Variants in DGKQ observed in about 807,000 individuals in gnomAD.
DGKQ encodes the protein DAG kinase theta.
Under a neutral mutation model 104.2 loss-of-function variants are expected in DGKQ, and 97 were observed. The observed-to-expected ratio is 0.93, with a 90% confidence interval of 0.79 to 1.10. DGKQ has a LOEUF of 1.10. Ranked by LOEUF, DGKQ falls within the 50% of genes least tolerant of loss-of-function variation. DGKQ has a pLI of 0.00. For missense variants in DGKQ, 1,465 were observed against 1,352.1 expected (o/e 1.08, Z -1.31); for synonymous variants, 736 against 595.2 (o/e 1.24, Z -3.44).
Position 968,907 on chromosome 4 carries a change from G to A in DGKQ, c.355C>T (p.Pro119Ser). ...CGGGGGCCGAAGCAGTGGGCTACAG[G>A]AACCTGGTGGGGCAGCCTCACCTCA... is the stretch of plus-strand genomic sequence containing the variant. ...TSVAPSLVRV[P>S]VAHCFGPRGL... The change falls in exon 3 of 23, where the codon CCT becomes TCT. Residue 119 changes from proline to serine, a missense_variant. Coordinates refer to ENST00000273814, the MANE Select transcript of DGKQ (RefSeq NM_001347.4). The A allele has an allele frequency of 1.3e-6, 2 of 1,585,224 alleles. No homozygotes were observed. Among genetic ancestry groups the A allele is most frequent in the Non-Finnish European group, 1.7e-6 (2 of 1,162,400 alleles).
At chr4:960,939 C>A (rs1385349728) in intron 22 of DGKQ, 110 bp downstream of exon 22, 2 of 1,532,462 alleles carry the variant, frequency 1.3e-6, no homozygotes, top group Admixed American at 2.0e-5. Context: ...GGAGTCAGTG[C>A]TCCCTGGCCG....
chr4:960,473 C>T lies in DGKQ; in HGVS notation c.*147G>A, dbSNP rs1195097395. ...GGGATGAGGGCGGGTCCCGCTCCGT[C>T]ACTGGGAAGATGCTGTGGTCAGGGC... On this transcript the variant is annotated 3_prime_UTR_variant, in exon 23 of 23. Transcript: ENST00000273814. The T allele has an allele frequency of 2.9e-6, 2 of 693,028 alleles. No homozygotes were observed. The highest frequency in any genetic ancestry group is 5.0e-6 in the Non-Finnish European group (2 of 400,832). 42.9% of individuals were successfully genotyped at this position (693,028 alleles called of 1,614,324 possible).
rs920458986 is a variant in DGKQ at position 964,985 on chromosome 4, C to T, written c.1734+191G>A. On this transcript the variant is annotated intron_variant, in intron 15 of 22. Coordinates refer to ENST00000273814, the MANE Select transcript of DGKQ (RefSeq NM_001347.4). The stretch of plus-strand genomic sequence containing the variant: ...TGACCTCAGGCCCCTTGCTGTAAAA[C>T]GGGCAACAGAGTCCTTCCTGCTGTT... 4.6e-5 allele frequency among the ~76,000 whole-genome samples: 7 copies of T among 152,162 alleles called. No individual in the cohort carries two copies. In the East Asian group the frequency reaches 5.8e-4, roughly 13 times the overall value.
rs749172999 is a variant in DGKQ, at chr4:966,068, C to T, written c.1439G>A (p.Arg480Gln). 22 of 1,600,814 alleles carry T rather than the reference C, an allele frequency of 1.4e-5. No homozygotes were observed. The highest frequency in any genetic ancestry group is 1.7e-5 in the Non-Finnish European group (20 of 1,174,422). Reference protein sequence around the residue: ...RLQDIRQMSVRQVSQTRFYVA... With the variant: ...RLQDIRQMSVQQVSQTRFYVA... ...GTAGAACCGCGTCTGGCTCACCTGC[C>T]GCACAGACATCTGCAGGGAGAGGGG... Residue 480 changes from arginine to glutamine, a missense_variant, in exon 13 of 23, where the codon CGG becomes CAG. Transcript: ENST00000273814.
Position 967,058 on chromosome 4 carries a change from T to C in DGKQ, c.1221-4A>G, listed in dbSNP as rs752988293. 6.4e-7 allele frequency: 1 copy of C among 1,552,654 alleles called. No homozygotes were observed. On this transcript the variant is annotated splice_region_variant and splice_polypyrimidine_tract_variant and intron_variant, in intron 9 of 22. Coordinates refer to ENST00000273814, the MANE Select transcript of DGKQ (RefSeq NM_001347.4). ...GGACACGTAGGCCACGCCCACCCTG[T>C]GGGGACACAGTCTGAGCTGGAGCTC...
intron 18 of DGKQ, 114 bp from the exon 19 acceptor site, chr4:962,196 G>T: frequency 9.8e-7 from 1 of 1,019,992 alleles, no homozygotes; most frequent in Non-Finnish European, 1.5e-6. Context: ...CTGGCACCAA[G>T]CCGAGCACCC....
chr4:968,245 T>G (rs1262986663), intron 5 of DGKQ, 37 bp downstream of exon 5: 17 of 354,158 alleles, frequency 4.8e-5, no homozygotes, highest in East Asian at 1.5e-4. Context: ...GCACCTCTCC[T>G]GCCCCACCCC....
chr4:961,897 G>C, intron 19 of DGKQ, 63 bp from the exon 20 acceptor site: 6 of 1,603,324 alleles, frequency 3.7e-6, no homozygotes, highest in Non-Finnish European at 5.1e-6. Flanking sequence ...GGCAGCCTCC[G>C]GGTTCCGGCC....
At chr4:968,642 T>A (rs1577486191) in intron 3 of DGKQ, 78 bp from the exon 4 acceptor site, 2 of 1,439,430 alleles carry the variant, frequency 1.4e-6, no homozygotes, top group African/African-American at 2.8e-5. Context: ...GTCTGCCCCA[T>A]CCCCACCACC....
At chr4:972,196 G>A (rs1005000368) in intron 1 of DGKQ, among the ~76,000 whole-genome samples, 6 of 152,066 alleles carry the variant, frequency 3.9e-5, no homozygotes, top group African/African-American at 1.2e-4. Context: ...GAGGGGACCC[G>A]GAGTCTGGCC....
intron 2 of DGKQ, among the ~76,000 whole-genome samples, chr4:969,670 C>A (rs956716006): frequency 6.8e-6 from 1 of 147,776 alleles, no homozygotes; most frequent in South Asian, 2.1e-4. Flanking sequence ...AGTGCAGTGG[C>A]GTGATCTCGG....
At position 973,215 on chromosome 4, in the gene DGKQ, C is replaced by T. The variant is rs1220191002; in HGVS notation, c.268G>A (p.Asp90Asn). Reference sequence around the variant, plus strand: ...GGCATCGGGCCCGGGCGCTCACCGTCGCACAGGAAGCCGGCCAGCCCCCAG... The same window carrying T: ...GGCATCGGGCCCGGGCGCTCACCGTTGCACAGGAAGCCGGCCAGCCCCCAG... Reference protein sequence around the residue: ...FIWGLAGFLCDVCNFMSHEKC... With the variant: ...FIWGLAGFLCNVCNFMSHEKC... The change falls in exon 1 of 23, where the codon GAC becomes AAC. Residue 90 changes from aspartate (D) to asparagine (N), a missense_variant. Coordinates refer to ENST00000273814, the MANE Select transcript of DGKQ (RefSeq NM_001347.4). The T allele has an allele frequency of 1.3e-6, 2 of 1,554,964 alleles. No homozygotes were observed. Among genetic ancestry groups the T allele is most frequent in the South Asian group, 1.2e-5 (1 of 85,112 alleles).
At chr4:966,251 CCT>C in intron 12 of DGKQ, 173 bp from the exon 13 acceptor site, 4 of 848,928 alleles carry the variant, frequency 4.7e-6, no homozygotes, top group South Asian at 1.7e-5. Context: ...GTGGACAACC[CCT>C]GTCCGTTCCC....
chr4:968,720 C>A, intron 3 of DGKQ, 91 bp downstream of exon 3: 1 of 1,385,604 alleles, frequency 7.2e-7, no homozygotes, highest in South Asian at 1.3e-5. Context: ...CCCCCATCAC[C>A]CCTGACAAGC....
rs1390804710 is a variant in DGKQ at position 968,584 on chromosome 4, A to T, written c.452-20T>A. Reference sequence around the variant, plus strand: ...CACACACTGGGGGGCAGGCAGGGTTAGAGGTGTCTGCCGCCCCCGGAGGAC... The same window carrying T: ...CACACACTGGGGGGCAGGCAGGGTTTGAGGTGTCTGCCGCCCCCGGAGGAC... On this transcript the variant is annotated intron_variant, in intron 3 of 22. Coordinates refer to ENST00000273814, the MANE Select transcript of DGKQ (RefSeq NM_001347.4). 6.3e-7 allele frequency: 1 copy of T among 1,587,840 alleles called. No individual in the cohort carries two copies. Among genetic ancestry groups the T allele is most frequent in the South Asian group, 1.1e-5 (1 of 88,210 alleles).
rs1231077406 is a variant in DGKQ at position 966,939 on chromosome 4, T to C, written c.1311+25A>G. On this transcript the variant is annotated intron_variant, in intron 10 of 22. Transcript: ENST00000273814. ...GACCCCCCACCGAGTCTGGCCGGCA[T>C]GGGGAGCAGGCACAGGGTACGCACC... 2.6e-6 allele frequency: 4 copies of C among 1,552,586 alleles called. No homozygotes were observed. In the South Asian group the frequency reaches 4.7e-5, roughly 18 times the overall value.
At position 965,166 on chromosome 4, in the gene DGKQ, G is replaced by A. The variant is rs768145892; in HGVS notation, c.1734+10C>T. On this transcript the variant is annotated intron_variant, in intron 15 of 22. Transcript: ENST00000273814. ...GGGTGTGTGAAGAGCCGGCTTGACCGCACACTCACCAGCAGGTCGGGGAGC... is the reference window on the plus strand; with the variant it reads ...GGGTGTGTGAAGAGCCGGCTTGACCACACACTCACCAGCAGGTCGGGGAGC... 2.5e-5 allele frequency: 41 copies of A among 1,609,944 alleles called. No homozygotes were observed. In the Admixed American group the frequency reaches 3.0e-4, roughly 12 times the overall value.
intron 21 of DGKQ, 22 bp downstream of exon 21, chr4:961,445 G>A (rs766305524): frequency 3.9e-5 from 62 of 1,570,504 alleles, no homozygotes; most frequent in Non-Finnish European, 4.7e-5. Flanking sequence ...GGGCTCGCCC[G>A]CCCACTCGGC....
rs765157641 is a variant in DGKQ, at chr4:961,982, C to T, written c.2315G>A (p.Arg772Lys). Residue 772 changes from arginine to lysine, a missense_variant and splice_region_variant, in exon 19 of 23, where the codon AGG becomes AAG. Coordinates refer to ENST00000273814, the MANE Select transcript of DGKQ (RefSeq NM_001347.4). ...GTGGTAGCCCCTGCGGCTCCGGTAC[C>T]TGCTTGTGAACTTGCCAGGCTCCTC... ...REEEPGKFTS[R>K]LHNKGVYVRV... 1 of 1,613,134 alleles carries T rather than the reference C, an allele frequency of 6.2e-7. No individual in the cohort carries two copies.
Sources: allele counts gnomAD v4.1 joint callset (sites outside exome capture counted in the v4.1 genomes callset), GRCh38; gene constraint gnomAD v4.1.1; transcripts MANE v1.5; gene names NCBI Gene and HGNC (gene_info 2026-07-23, HGNC 2026-07-21).